The following FAM167A variants were observed in gnomAD, a reference collection of about 807,000 sequenced individuals.
FAM167A encodes family with sequence similarity 167 member A, also known as protein FAM167A.
FAM167A carries 23 observed loss-of-function variants against 14.9 expected under a neutral mutation model. That is an observed-to-expected ratio of 1.55 (90% CI 1.11 to 2.19). The LOEUF (loss-of-function observed/expected upper bound fraction) is 2.19. Ranked by LOEUF, FAM167A falls within the 30% of genes most tolerant of loss-of-function variation. The pLI, the probability that FAM167A is intolerant of heterozygous loss-of-function variation, is 0.00. For missense variants in FAM167A, 401 were observed against 281.5 expected, an observed-to-expected ratio of 1.42 and a Z score of -3.04; for synonymous variants, 174 against 117.7, an observed-to-expected ratio of 1.48 and a Z score of -3.10.
Position 11,431,532 on chromosome 8 carries a change from T to C in FAM167A, c.382-6896A>G, listed in dbSNP as rs191773706. 1.2e-4 allele frequency among the ~76,000 whole-genome samples: 18 copies of C among 152,356 alleles called. No homozygotes were observed. The East Asian group carries it at 1.9e-3, about 16-fold the overall frequency. ...ATATAAAATGGTACATTTTATATTA[T>C]ACATATTTTACTGACATTTAAACAA... On this transcript the variant is annotated intron_variant, in intron 2 of 2. Coordinates refer to ENST00000284486, the MANE Select transcript of FAM167A (RefSeq NM_053279.3).
chr8:11,464,434 C>T (rs1256487030), intron 1 of FAM167A, among the ~76,000 whole-genome samples: 3 of 152,162 alleles, frequency 2.0e-5, no homozygotes, highest in Non-Finnish European at 4.4e-5. Flanking sequence ...CACCCTGTCC[C>T]ATCCTTCCTG....
intron 2 of FAM167A, chr8:11,438,111 C>A (rs764362448): frequency 3.9e-5 from 18 of 456,434 alleles, no homozygotes; most frequent in Non-Finnish European, 7.9e-5. Context: ...GGAAGCCAGG[C>A]GGCCAGTGGA....
At chr8:11,433,775 A>G (rs1805786449) in intron 2 of FAM167A, 1 of 152,350 alleles carries the variant, frequency 6.6e-6, no homozygotes, top group South Asian at 2.1e-4. Context: ...GGGTGCGTGT[A>G]AAATCCAGGC....
chr8:11,474,078 T>C (rs1204739041), intron 1 of FAM167A, among the ~76,000 whole-genome samples: 1 of 152,182 alleles, frequency 6.6e-6, no homozygotes, highest in Non-Finnish European at 1.5e-5. Context: ...TTTCACCATG[T>C]TGGCCAGGCT....
chr8:11,442,649 C>T (rs1000812236), intron 2 of FAM167A, among the ~76,000 whole-genome samples: 7 of 149,574 alleles, frequency 4.7e-5, no homozygotes, highest in East Asian at 1.9e-4. Context: ...GGGGGCTGTG[C>T]GCGGTCTGTC....
intron 2 of FAM167A, among the ~76,000 whole-genome samples, chr8:11,437,296 G>A (rs1402132585): frequency 6.6e-6 from 1 of 152,150 alleles, no homozygotes; most frequent in Non-Finnish European, 1.5e-5. Context: ...TACCCGGAAA[G>A]ATTGCTGTGG....
intron 1 of FAM167A, among the ~76,000 whole-genome samples, chr8:11,456,067 G>A (rs1807266144): frequency 1.5e-5 from 2 of 137,680 alleles, no homozygotes; most frequent in African/African-American, 2.7e-5. Flanking sequence ...CTTGCTGTGT[G>A]TGAGTGTGAG....
intron 2 of FAM167A, among the ~76,000 whole-genome samples, chr8:11,434,549 G>C (rs376624627): frequency 2.0e-5 from 3 of 152,280 alleles, no homozygotes; most frequent in East Asian, 1.9e-4. Context: ...GAGGCTCTTC[G>C]GGCCCTGCCG....
Position 11,445,055 on chromosome 8 carries a change from T to C in FAM167A, c.-397-247A>G, listed in dbSNP as rs10110563. The C allele has an allele frequency of 3.8e-3, 3,435 of 909,834 alleles. 84 individuals carry two copies. The African/African-American group carries it at 0.053, about 14-fold the overall frequency. 56.4% of individuals were successfully genotyped at this position (909,834 alleles called of 1,614,324 possible). A position where few individuals can be genotyped will look rare whatever the true frequency, so the allele number is the denominator to read the frequency against. ...AAAAACGACTCCGCCTCTACTATCT[T>C]ATTTAATGCCCCCAGCAAGTCTGCA... On this transcript the variant is annotated intron_variant, in intron 1 of 2. Transcript: ENST00000284486.
At chr8:11,441,154 G>A (rs575461405) in intron 2 of FAM167A, among the ~76,000 whole-genome samples, 1 of 152,308 alleles carries the variant, frequency 6.6e-6, no homozygotes, top group South Asian at 2.1e-4. Context: ...ACCACTCAGG[G>A]TGGGATGCTG....
chr8:11,426,908 G>A (rs1805208383), intron 2 of FAM167A, among the ~76,000 whole-genome samples: 2 of 152,266 alleles, frequency 1.3e-5, no homozygotes, highest in Non-Finnish European at 2.9e-5. Context: ...CGTCTCAGGC[G>A]AGCAGAGGGA....
intron 2 of FAM167A, chr8:11,434,840 G>C: frequency 2.8e-6 from 1 of 350,886 alleles, no homozygotes; most frequent in South Asian, 2.2e-5. Context: ...ATTGCATCTT[G>C]GAACTGAGGA....
At chr8:11,464,322 C>T (rs1307080887) in intron 1 of FAM167A, among the ~76,000 whole-genome samples, 5 of 152,158 alleles carry the variant, frequency 3.3e-5, no homozygotes, top group African/African-American at 1.2e-4. Context: ...CTGCGGCCTA[C>T]CTGACTCATC....
At chr8:11,430,324 G>A (rs1435077021) in intron 2 of FAM167A, among the ~76,000 whole-genome samples, 4 of 152,242 alleles carry the variant, frequency 2.6e-5, no homozygotes, top group Non-Finnish European at 4.4e-5. Context: ...CTTGGAAGAA[G>A]GGAAGGGCGG....
At position 11,444,222 on chromosome 8, in the gene FAM167A, C is replaced by T. The variant is rs758295577; in HGVS notation, c.190G>A (p.Ala64Thr). ...EEHTWPFPRPAAEPQASLEEG... is the reference protein window; with the variant it reads ...EEHTWPFPRPTAEPQASLEEG... ...TCCAAGCTCGCCTGTGGCTCCGCAG[C>T]CGGCCTCGGGAAGGGCCAGGTATGC... The change falls in exon 2 of 3, where the codon GCT becomes ACT. Residue 64 changes from alanine to threonine, a missense_variant. Transcript: ENST00000284486. 4 of 1,612,306 alleles carry T rather than the reference C, an allele frequency of 2.5e-6. No homozygotes were observed. Among genetic ancestry groups the T allele is most frequent in the South Asian group, 2.2e-5 (2 of 91,044 alleles).
chr8:11,456,938 A>AAG, intron 1 of FAM167A, among the ~76,000 whole-genome samples: 1 of 58,602 alleles, frequency 1.7e-5, no homozygotes, highest in Non-Finnish European at 3.3e-5. Context: ...GATTAGGGGT[A>AAG]TGAGCGGGGC....
upstream of FAM167A, among the ~76,000 whole-genome samples, chr8:11,470,977 A>G (rs1347014943): frequency 6.6e-6 from 1 of 152,106 alleles, no homozygotes; most frequent in African/African-American, 2.4e-5. Flanking sequence ...CTTCTAGGGA[A>G]CCTGTTAGTT....
At chr8:11,448,808 G>A (rs1233005699) in intron 1 of FAM167A, among the ~76,000 whole-genome samples, 2 of 152,206 alleles carry the variant, frequency 1.3e-5, no homozygotes, top group African/African-American at 2.4e-5. Flanking sequence ...CCAAGGCCAG[G>A]CCCCAGAAGC....
At chr8:11,445,620 C>A (rs925698318) in intron 1 of FAM167A, 33 of 984,934 alleles carry the variant, frequency 3.4e-5, no homozygotes, top group Non-Finnish European at 4.0e-5. Context: ...CTCCCCATCT[C>A]CAGAGAGGAG....
Sources: allele counts gnomAD v4.1 joint callset (sites outside exome capture counted in the v4.1 genomes callset), GRCh38; gene constraint gnomAD v4.1.1; transcripts MANE v1.5; gene names NCBI Gene and HGNC (gene_info 2026-07-23, HGNC 2026-07-21).